Variants in CCND2 observed in about 807,000 individuals in gnomAD.
The protein encoded by CCND2 is G1/S-specific cyclin-D2.
CCND2 carries 6 observed loss-of-function variants against 30.2 expected under a neutral mutation model. That is an observed-to-expected ratio of 0.20 (90% confidence interval 0.11 to 0.39). The LOEUF is 0.39. CCND2 is among the 10% of genes least tolerant of loss of function. The probability of loss-of-function intolerance (pLI) is 1.00; values close to 1 mark genes in which losing one functional copy is unlikely to be tolerated. For synonymous variants in CCND2, 150 were observed against 153.1 expected (o/e 0.98, Z 0.15); for missense variants, 235 against 373.4 (o/e 0.63, Z 3.06).
Position 4,301,190 on chromosome 12 carries a change from TC to T in CCND2, c.*1183del. On this transcript the variant is annotated 3_prime_UTR_variant, in exon 5 of 5. Transcript: ENST00000261254. ...CCTGCTGACATTCCCATCACAACAT[TC>T]CTCAGACAAGCCTGTAAACTAAAAT... is the stretch of plus-strand genomic sequence containing the variant. 4.3e-6 allele frequency: 1 copy of T among 233,534 alleles called. No homozygotes were observed. Among genetic ancestry groups the T allele is most frequent in the Non-Finnish European group, 8.5e-6 (1 of 117,984 alleles). 14.5% of individuals were successfully genotyped at this position (233,534 alleles called of 1,614,324 possible).
rs1227628606 is a variant in CCND2, at chr12:4,273,789, G to A, written c.-252G>A. On this transcript the variant is annotated 5_prime_UTR_variant, in exon 1 of 5. Coordinates refer to ENST00000261254, the MANE Select transcript of CCND2 (RefSeq NM_001759.4). The surrounding 1 kb of genome is among the most constrained non-coding windows in gnomAD (Gnocchi z 5.9). ...AGCGGAGAAGAGCGAGCAGGGGAGA[G>A]CGAGACCAGTTTTAAGGGGAGGACC... 3.6e-6 allele frequency: 2 copies of A among 561,854 alleles called. No individual in the cohort carries two copies. Among genetic ancestry groups the A allele is most frequent in the Non-Finnish European group, 6.3e-6 (2 of 316,472 alleles). 34.8% of individuals were successfully genotyped at this position (561,854 alleles called of 1,614,324 possible).
Position 4,276,402 on chromosome 12 carries a change from G to A in CCND2, c.411+182G>A, listed in dbSNP as rs1863875210. ...GGAAACCACTGTTTATTTTTTGTGT[G>A]TTCCTACTATGTGCCCAGGCTCCGT... On this transcript the variant is annotated intron_variant, in intron 2 of 4. Transcript: ENST00000261254. The surrounding 1 kb of genome is among the most constrained non-coding windows in gnomAD (Gnocchi z 4.8). Among the ~76,000 whole-genome samples the A allele has an allele frequency of 6.6e-6, 1 of 152,192 alleles. No homozygotes were observed. The highest frequency in any genetic ancestry group is 2.4e-5 in the African/African-American group (1 of 41,462).
Position 4,301,648 on chromosome 12 carries a change from GTC to G in CCND2, c.*1644_*1645del, listed in dbSNP as rs1864251076. The G allele has an allele frequency of 1.7e-5, 4 of 229,286 alleles. No individual in the cohort carries two copies. In the Admixed American group the frequency reaches 2.3e-4, roughly 13 times the overall value. The allele number at this position is 229,286 out of a possible 1,614,324, so 14.2% of individuals were successfully genotyped here. A position where few individuals can be genotyped will look rare whatever the true frequency, so the allele number is the denominator to read the frequency against. On this transcript the variant is annotated 3_prime_UTR_variant, in exon 5 of 5. Coordinates refer to ENST00000261254, the MANE Select transcript of CCND2 (RefSeq NM_001759.4). Reference sequence around the variant, plus strand: ...GTTGAAGACGGAAAACAATCTAAGGGTCTCTCATTTTTTTAATTTTGTTTTGT... The same window carrying G: ...GTTGAAGACGGAAAACAATCTAAGGGTCTCATTTTTTTAATTTTGTTTTGT...
chr12:4,296,284 C>T (rs573049144), intron 4 of CCND2, among the ~76,000 whole-genome samples: 5 of 152,244 alleles, frequency 3.3e-5, no homozygotes, highest in South Asian at 4.1e-4. Flanking sequence ...ATGACCTTGC[C>T]GGGGGCCAGA....
Position 4,273,895 on chromosome 12 carries a change from C to G in CCND2, c.-146C>G. On this transcript the variant is annotated 5_prime_UTR_variant, in exon 1 of 5. Coordinates refer to ENST00000261254, the MANE Select transcript of CCND2 (RefSeq NM_001759.4). This position sits in a 1 kb window ranked among gnomAD's most constrained non-coding sequence, Gnocchi z 5.9. ...CCTTCTGCTCCACCTTCTCTCTCTG[C>G]CCTCACCTCTCCCCCGAAAACCCCC... The G allele has an allele frequency of 9.4e-6, 7 of 744,258 alleles. No homozygotes were observed. Among genetic ancestry groups the G allele is most frequent in the Non-Finnish European group, 1.5e-5 (7 of 464,854 alleles). The allele number at this position is 744,258 out of a possible 1,614,324, so 46.1% of individuals were successfully genotyped here.
chr12:4,297,903 C>CAGTG (rs1390053896), intron 4 of CCND2: 1 of 435,714 alleles, frequency 2.3e-6, no homozygotes, highest in Non-Finnish European at 4.6e-6. Flanking sequence ...GCTGCTGCGT[C>CAGTG]ACGTCTGTCA....
rs199619940 is a variant in CCND2, at chr12:4,302,655, C to T, written c.*2646C>T. On this transcript the variant is annotated 3_prime_UTR_variant, in exon 5 of 5. Transcript: ENST00000261254. ...CCTCTGCTGAGCGGTACTAAACGGT[C>T]GGGTTTTCAATCACACTGAATTGGC... 2.1e-5 allele frequency: 5 copies of T among 233,080 alleles called. No individual in the cohort carries two copies. Among genetic ancestry groups the T allele is most frequent in the Admixed American group, 5.6e-5 (1 of 17,770 alleles). 14.4% of individuals were successfully genotyped at this position (233,080 alleles called of 1,614,324 possible).
Position 4,295,117 on chromosome 12 carries a change from A to G in CCND2, c.721-4743A>G, listed in dbSNP as rs1272643548. ...CCCAAGTCCAAAAAGGGCCCCTGCC[A>G]TGCTAAACAAAGGTATTCATATGCA... On this transcript the variant is annotated intron_variant, in intron 4 of 4. Coordinates refer to ENST00000261254, the MANE Select transcript of CCND2 (RefSeq NM_001759.4). 2.6e-5 allele frequency among the ~76,000 whole-genome samples: 4 copies of G among 152,256 alleles called. No homozygotes were observed. The East Asian group carries it at 5.8e-4, about 22-fold the overall frequency.
chr12:4,296,625 G>T (rs1328361575), intron 4 of CCND2, among the ~76,000 whole-genome samples: 1 of 152,066 alleles, frequency 6.6e-6, no homozygotes, highest in East Asian at 1.9e-4. Context: ...TCCATGGACA[G>T]GTATTCAGTT....
intron 3 of CCND2, 124 bp downstream of exon 3, chr12:4,279,043 G>A: frequency 2.3e-6 from 2 of 880,264 alleles, no homozygotes; most frequent in Non-Finnish European, 3.3e-6. Context: ...GTGGTCTTGA[G>A]TAGTCTAAAG....
At position 4,276,243 on chromosome 12, in the gene CCND2, CT is replaced by C. The variant is rs1472312399; in HGVS notation, c.411+25del. The C allele has an allele frequency of 1.3e-6, 2 of 1,598,666 alleles. No homozygotes were observed. The highest frequency in any genetic ancestry group is 3.4e-5 in the Admixed American group (2 of 59,436). On this transcript the variant is annotated intron_variant, in intron 2 of 4. Coordinates refer to ENST00000261254, the MANE Select transcript of CCND2 (RefSeq NM_001759.4). The surrounding 1 kb of genome is among the most constrained non-coding windows in gnomAD (Gnocchi z 4.8). Reference sequence around the variant, plus strand: ...CTGGTAATGACCGGCCCCTTCCTCCCTTCCTTTCTGCGATTCCCGCTTTCCC... The same window carrying C: ...CTGGTAATGACCGGCCCCTTCCTCCCTCCTTTCTGCGATTCCCGCTTTCCC...
intron 4 of CCND2, among the ~76,000 whole-genome samples, chr12:4,298,242 C>T (rs1864201381): frequency 2.0e-5 from 3 of 152,136 alleles, no homozygotes; most frequent in Admixed American, 2.0e-4. Context: ...TTTCATTGTT[C>T]CAGGTGATAT....
chr12:4,275,917 A>C, intron 1 of CCND2, 88 bp from the exon 2 acceptor site: 4 of 805,044 alleles, frequency 5.0e-6, no homozygotes, highest in Non-Finnish European at 7.8e-6. Context: ...TTTTGTTTCG[A>C]TAGATTACGC....
intron 4 of CCND2, among the ~76,000 whole-genome samples, chr12:4,294,798 T>G (rs1329035795): frequency 6.6e-6 from 1 of 152,178 alleles, no homozygotes; most frequent in Non-Finnish European, 1.5e-5. Context: ...AGTCTGTGAT[T>G]ATTTGTGTAT....
Position 4,303,000 on chromosome 12 carries a change from C to T in CCND2, c.*2991C>T, listed in dbSNP as rs1243058523. 2.1e-5 allele frequency: 5 copies of T among 233,172 alleles called. No homozygotes were observed. The highest frequency in any genetic ancestry group is 1.1e-4 in the Admixed American group (2 of 17,768). 14.4% of individuals were successfully genotyped at this position (233,172 alleles called of 1,614,324 possible). On this transcript the variant is annotated 3_prime_UTR_variant, in exon 5 of 5. Coordinates refer to ENST00000261254, the MANE Select transcript of CCND2 (RefSeq NM_001759.4). The stretch of plus-strand genomic sequence containing the variant: ...CCCACGGAATGGGGAAAGCGGGAAC[C>T]CTGGAGTTCTTGGGAATCTTGGAGC...
intron 4 of CCND2, among the ~76,000 whole-genome samples, chr12:4,292,223 G>A (rs989112678): frequency 1.3e-5 from 2 of 152,050 alleles, no homozygotes; most frequent in Non-Finnish European, 2.9e-5. Context: ...CTCGGGCCAC[G>A]CTATGAAATG....
intron 2 of CCND2, among the ~76,000 whole-genome samples, chr12:4,278,131 C>T (rs1721455798): frequency 6.6e-6 from 1 of 152,180 alleles, no homozygotes; most frequent in Admixed American, 6.5e-5. Flanking sequence ...TGACAATGGC[C>T]TGTGAAACAT....
At chr12:4,281,709 G>A (rs894472646) in intron 3 of CCND2, among the ~76,000 whole-genome samples, 1 of 152,122 alleles carries the variant, frequency 6.6e-6, no homozygotes, top group African/African-American at 2.4e-5. Flanking sequence ...AGCTGGCAGT[G>A]GTTCTGCAGT....
rs778716956 is a variant in CCND2, at chr12:4,299,936, G to C, written c.797G>C (p.Arg266Pro). The change falls in exon 5 of 5, where the codon CGT becomes CCT. Residue 266 changes from arginine to proline, a missense_variant. Physicochemically the swap from Arg to Pro is moderately radical, Grantham distance 103. Around this residue, in one of 2 missense-constraint regions of CCND2, gnomAD observed 57 missense variants for 50.7 expected, o/e 1.12. Transcript: ENST00000261254. The surrounding 1 kb of genome is among the most constrained non-coding windows in gnomAD (Gnocchi z 5.2). The stretch of plus-strand genomic sequence containing the variant: ...CTGCAGCAGTACCGTCAGGACCAAC[G>C]TGACGGATCCAAGTCGGAGGATGAA... Reference protein sequence around the residue: ...NSLQQYRQDQRDGSKSEDELD... With the variant: ...NSLQQYRQDQPDGSKSEDELD... The C allele has an allele frequency of 1.2e-6, 2 of 1,614,114 alleles. No individual in the cohort carries two copies. Among genetic ancestry groups the C allele is most frequent in the Admixed American group, 1.7e-5 (1 of 60,026 alleles).
Sources: allele counts gnomAD v4.1 joint callset (sites outside exome capture counted in the v4.1 genomes callset), GRCh38; gene constraint gnomAD v4.1.1; regional missense constraint gnomAD v4.1.1; non-coding constraint Gnocchi (gnomAD v3.1); transcripts MANE v1.5; gene names NCBI Gene and HGNC (gene_info 2026-07-23, HGNC 2026-07-21).